GATAD2A: variants seen among roughly 807,000 people sequenced by gnomAD.
GATAD2A encodes the protein GATA zinc finger domain containing 2A, also known as transcriptional repressor p66-alpha.
Under a neutral mutation model 68.5 loss-of-function variants are expected in GATAD2A, and 12 were observed. The ratio of observed to expected loss-of-function variants is 0.18; its 90% CI spans 0.11 to 0.28. The LOEUF is 0.28. Among genes scored for constraint, GATAD2A ranks in the 10% least tolerant of loss-of-function variants. GATAD2A has a pLI of 1.00. For missense variants in GATAD2A, 755 were observed against 868.5 expected, an observed-to-expected ratio of 0.87 and a Z score of 1.64; for synonymous variants, 410 against 375.3, an observed-to-expected ratio of 1.09 and a Z score of -1.07.
chr19:19,437,417 A>G (rs1384615544), intron 1 of GATAD2A, among the ~76,000 whole-genome samples: 1 of 152,210 alleles, frequency 6.6e-6, no homozygotes, highest in Non-Finnish European at 1.5e-5. Flanking sequence ...GGCAAATTAC[A>G]CTCAAAAAAA....
In GATAD2A at chr19:19,508,922, T is replaced by G. The variant is rs2060980332; in HGVS notation, c.*3448T>G. 1 of 152,262 alleles carries G rather than the reference T, an allele frequency of 6.6e-6. No homozygotes were observed. The allele number at this position is 152,262 out of a possible 1,614,324, so 9.4% of individuals were successfully genotyped here. On this transcript the variant is annotated 3_prime_UTR_variant, in exon 12 of 12. Transcript: ENST00000683918. ...TCTGAAGGATAATAAATGGATGATG[T>G]GTCAACTGGACTTTTCTTTTGTCCC...
At chr19:19,419,646 A>T (rs528557379) in intron 1 of GATAD2A, among the ~76,000 whole-genome samples, 1 of 151,196 alleles carries the variant, frequency 6.6e-6, no homozygotes, top group Non-Finnish European at 1.5e-5. Context: ...CTGCTCGAAT[A>T]GCTGGGATTA....
rs576412108 is a variant in GATAD2A, at chr19:19,460,563, C to A, written c.-6-4777C>A. Among the ~76,000 whole-genome samples the A allele has an allele frequency of 6.6e-4, 101 of 152,314 alleles. 3 individuals carry two copies. The highest frequency in any genetic ancestry group is 2.3e-3 in the African/African-American group (94 of 41,562). On this transcript the variant is annotated intron_variant, in intron 1 of 11. Transcript: ENST00000683918. ...CTGCCCCCAGGTTCAGGGCTCTGCTCCTCAGCATCTCCGTGGGGCTCATCG... is the reference window on the plus strand; with the variant it reads ...CTGCCCCCAGGTTCAGGGCTCTGCTACTCAGCATCTCCGTGGGGCTCATCG...
chr19:19,503,371 T>C (rs1327324343), intron 11 of GATAD2A, among the ~76,000 whole-genome samples: 1 of 152,110 alleles, frequency 6.6e-6, no homozygotes, highest in African/African-American at 2.4e-5. Context: ...CCTGCCGCTG[T>C]CCTAAGTGAG....
At position 19,492,447 on chromosome 19, in the gene GATAD2A, C is replaced by G. The variant is rs755323730; in HGVS notation, c.402+9C>G. ...GCACCGAGGCCCTCATGGTGAGCCA[C>G]GTGTTGGCGCTGCCGCCGGAGCCCC... On this transcript the variant is annotated intron_variant, in intron 3 of 11. Coordinates refer to ENST00000683918, the MANE Select transcript of GATAD2A (RefSeq NM_001384528.1). The G allele has an allele frequency of 1.9e-6, 3 of 1,613,772 alleles. No individual in the cohort carries two copies.
At chr19:19,431,980 T>C (rs544888691) in intron 1 of GATAD2A, among the ~76,000 whole-genome samples, 10 of 152,070 alleles carry the variant, frequency 6.6e-5, no homozygotes, top group Non-Finnish European at 1.3e-4. Context: ...AATTTTTTAT[T>C]TTTATTTATT....
chr19:19,463,945 C>T (rs903400266), intron 1 of GATAD2A, among the ~76,000 whole-genome samples: 2 of 152,178 alleles, frequency 1.3e-5, no homozygotes, highest in South Asian at 2.1e-4. Flanking sequence ...CAGGGCCTTG[C>T]GCTATTGCTC....
intron 1 of GATAD2A, among the ~76,000 whole-genome samples, chr19:19,451,888 C>T (rs2147830135): frequency 6.6e-6 from 1 of 152,310 alleles, no homozygotes; most frequent in South Asian, 2.1e-4. Context: ...CCCCTTTGCC[C>T]AGGCTGCAGT....
At chr19:19,451,616 A>G (rs1282851060) in intron 1 of GATAD2A, among the ~76,000 whole-genome samples, 1 of 152,142 alleles carries the variant, frequency 6.6e-6, no homozygotes, top group East Asian at 1.9e-4. Context: ...GGGCTGAGGA[A>G]GTAGTGTGGG....
chr19:19,440,953 CTTTT>C (rs1386061463), intron 1 of GATAD2A, among the ~76,000 whole-genome samples: 39 of 86,804 alleles, frequency 4.5e-4, no homozygotes, highest in African/African-American at 2.4e-3. Flanking sequence ...CCTTTCCTTC[CTTTT>C]CTTCCTTCCC....
chr19:19,463,407 AGCATTCCTCACCTCCCCCAGAGAAGTGAG>A (rs1258931932), intron 1 of GATAD2A, among the ~76,000 whole-genome samples: 1 of 152,136 alleles, frequency 6.6e-6, no homozygotes, highest in East Asian at 1.9e-4. Flanking sequence ...GGGACACCGT[AGCATTCCTCACCTCCCCCAGAGAAGTGAG>A]GCCATGACCT....
At chr19:19,421,812 C>G (rs1337824212) in intron 1 of GATAD2A, among the ~76,000 whole-genome samples, 2 of 151,844 alleles carry the variant, frequency 1.3e-5, no homozygotes, top group African/African-American at 4.8e-5. Context: ...GACCTTCTCT[C>G]TCTTTTTTTT....
At chr19:19,475,280 A>C (rs1336213939) in intron 2 of GATAD2A, among the ~76,000 whole-genome samples, 1 of 152,192 alleles carries the variant, frequency 6.6e-6, no homozygotes, top group African/African-American at 2.4e-5. Flanking sequence ...GCCCAGGGAC[A>C]TGGTTTGTGG....
intron 1 of GATAD2A, among the ~76,000 whole-genome samples, chr19:19,443,313 G>C (rs568485993): frequency 6.6e-6 from 1 of 152,242 alleles, no homozygotes; most frequent in East Asian, 1.9e-4. Context: ...TAGTTCATGA[G>C]AAATTGGGGG....
At chr19:19,428,445 C>CCAG (rs1188494134) in intron 1 of GATAD2A, among the ~76,000 whole-genome samples, 1 of 152,168 alleles carries the variant, frequency 6.6e-6, no homozygotes. Context: ...CTGCCTGGTG[C>CCAG]CAGGGCCTGT....
chr19:19,425,781 T>A (rs2053003262), intron 1 of GATAD2A, among the ~76,000 whole-genome samples: 1 of 151,382 alleles, frequency 6.6e-6, no homozygotes, highest in Non-Finnish European at 1.5e-5. Flanking sequence ...GTGGTTTTCT[T>A]TTTCTTTTCT....
chr19:19,415,610 G>A (rs1050496290), intron 1 of GATAD2A, among the ~76,000 whole-genome samples: 3 of 147,124 alleles, frequency 2.0e-5, no homozygotes, highest in South Asian at 2.2e-4. Context: ...CCACCATGCC[G>A]GGCTAATATT....
intron 9 of GATAD2A, 65 bp from the exon 10 acceptor site, chr19:19,501,903 AC>A: frequency 7.9e-7 from 1 of 1,264,468 alleles, no homozygotes; most frequent in Non-Finnish European, 1.2e-6. Flanking sequence ...TGTGGGGCTC[AC>A]CCTCGGTCAC....
At chr19:19,484,290 G>T (rs2059261001) in intron 2 of GATAD2A, among the ~76,000 whole-genome samples, 1 of 152,048 alleles carries the variant, frequency 6.6e-6, no homozygotes, top group African/African-American at 2.4e-5. Context: ...AAAAAAATTA[G>T]CCAGGTGTGG....
Sources: allele counts gnomAD v4.1 joint callset (sites outside exome capture counted in the v4.1 genomes callset), GRCh38; gene constraint gnomAD v4.1.1; transcripts MANE v1.5; gene names NCBI Gene and HGNC (gene_info 2026-07-23, HGNC 2026-07-21).